Variants in CNTNAP5 observed in about 807,000 individuals in gnomAD.
CNTNAP5 encodes the protein contactin-associated protein-like 5.
A neutral mutation model predicts 150.2 loss-of-function variants in CNTNAP5; 72 were observed. The observed-to-expected ratio is 0.48, with a 90% CI of 0.40 to 0.58. The LOEUF is 0.58. CNTNAP5 is among the 20% of genes least tolerant of loss of function. The pLI is 0.00. For missense variants in CNTNAP5, 1,636 were observed against 1,626.2 expected (o/e 1.01, Z -0.10); for synonymous variants, 672 against 619.8 (o/e 1.08, Z -1.25).
chr2:124,764,266 T>C, intron 16 of CNTNAP5, 119 bp downstream of exon 16: 1 of 746,404 alleles, frequency 1.3e-6, no homozygotes, highest in Non-Finnish European at 2.3e-6. Flanking sequence ...TGGACATCTG[T>C]AAAATTAGCA....
At chr2:124,228,959 C>T (rs1686540567) in intron 2 of CNTNAP5, among the ~76,000 whole-genome samples, 1 of 152,122 alleles carries the variant, frequency 6.6e-6, no homozygotes, top group African/African-American at 2.4e-5. Flanking sequence ...GATGAGCTCC[C>T]CTGCAAGTTT....
intron 8 of CNTNAP5, among the ~76,000 whole-genome samples, chr2:124,522,893 G>T (rs1694880846): frequency 6.6e-6 from 1 of 152,118 alleles, no homozygotes; most frequent in Admixed American, 6.5e-5. Flanking sequence ...ACATTCTTGG[G>T]ATCCTCACAT....
intron 14 of CNTNAP5, among the ~76,000 whole-genome samples, chr2:124,755,575 C>T (rs1680821437): frequency 6.6e-6 from 1 of 152,152 alleles, no homozygotes; most frequent in Non-Finnish European, 1.5e-5. Flanking sequence ...ATGTTCCTTT[C>T]ATTCTCTCTG....
intron 3 of CNTNAP5, among the ~76,000 whole-genome samples, chr2:124,392,421 G>A (rs1691137539): frequency 6.6e-6 from 1 of 152,134 alleles, no homozygotes; most frequent in South Asian, 2.1e-4. Context: ...TCAGTTAAAT[G>A]AAATCTCTAA....
Position 124,242,390 on chromosome 2 carries a change from C to G in CNTNAP5, c.378C>G (p.Ile126Met). 1 of 1,611,946 alleles carries G rather than the reference C, an allele frequency of 6.2e-7. No individual in the cohort carries two copies. The highest frequency in any genetic ancestry group is 8.5e-7 in the Non-Finnish European group (1 of 1,178,868). Reference sequence around the variant, plus strand: ...AACAGTACAAACAAGAAGACAGCATCTGGGTAGGACATCTTTTTCCTTCCA... The same window carrying G: ...AACAGTACAAACAAGAAGACAGCATGTGGGTAGGACATCTTTTTCCTTCCA... ...NWKQYKQEDS[I>M]WTFAGNMNAD... is the part of the protein sequence containing the mutation. The change falls in exon 3 of 24, where the codon ATC becomes ATG. Residue 126 changes from isoleucine to methionine, a missense_variant. Physicochemically the swap from Ile to Met is conservative, Grantham distance 10. Coordinates refer to ENST00000682447, the MANE Select transcript of CNTNAP5 (RefSeq NM_001367498.1).
At chr2:124,344,115 T>C (rs368579418) in intron 3 of CNTNAP5, among the ~76,000 whole-genome samples, 1 of 152,134 alleles carries the variant, frequency 6.6e-6, no homozygotes, top group Non-Finnish European at 1.5e-5. Context: ...CACCTCCCAA[T>C]GCAAACACAT....
At chr2:124,303,522 G>T (rs1389323459) in intron 3 of CNTNAP5, among the ~76,000 whole-genome samples, 2 of 152,142 alleles carry the variant, frequency 1.3e-5, no homozygotes, top group African/African-American at 4.8e-5. Context: ...GTTCAAGTTA[G>T]AATCAAACAG....
intron 1 of CNTNAP5, among the ~76,000 whole-genome samples, chr2:124,049,041 C>T (rs1039750828): frequency 6.6e-6 from 1 of 152,120 alleles, no homozygotes; most frequent in African/African-American, 2.4e-5. Context: ...ATAGTGCTTC[C>T]CCCATTTGCT....
At chr2:124,615,408 A>G (rs1186898371) in intron 12 of CNTNAP5, among the ~76,000 whole-genome samples, 1 of 152,196 alleles carries the variant, frequency 6.6e-6, no homozygotes, top group Non-Finnish European at 1.5e-5. Context: ...CCAAGAGTAG[A>G]TTCCATCTCA....
At chr2:124,800,279 C>A (rs933972699) in intron 19 of CNTNAP5, among the ~76,000 whole-genome samples, 2 of 152,136 alleles carry the variant, frequency 1.3e-5, no homozygotes, top group African/African-American at 4.8e-5. Flanking sequence ...TCCATAGGCA[C>A]AATTGTACCT....
In CNTNAP5 at chr2:124,188,716, C is replaced by CAAAAA. The variant is rs70996047; in HGVS notation, c.83-32971_83-32967dup. Reference sequence around the variant, plus strand: ...CCTGGGTGACAGCGAGACTCTGTCTCAAAAAAAAAAAAAAAAAAAAAAGAC... The same window carrying CAAAAA: ...CCTGGGTGACAGCGAGACTCTGTCTCAAAAAAAAAAAAAAAAAAAAAAAAAAAGAC... On this transcript the variant is annotated intron_variant, in intron 1 of 23. Coordinates refer to ENST00000682447, the MANE Select transcript of CNTNAP5 (RefSeq NM_001367498.1). Among the ~76,000 whole-genome samples the CAAAAA allele has an allele frequency of 7.2e-3, 524 of 72,958 alleles. 42 individuals are homozygous for CAAAAA. The highest frequency in any genetic ancestry group is 0.026 in the African/African-American group (437 of 16,492). The allele number at this position is 72,958 out of a possible 152,430, so 47.9% of individuals were successfully genotyped here.
At chr2:124,656,647 G>A (rs1401533622) in intron 13 of CNTNAP5, among the ~76,000 whole-genome samples, 1 of 151,864 alleles carries the variant, frequency 6.6e-6, no homozygotes, top group African/African-American at 2.4e-5. Flanking sequence ...GTCAACAGAT[G>A]GTATATATCT....
At chr2:124,725,485 C>G (rs1436641423) in intron 13 of CNTNAP5, among the ~76,000 whole-genome samples, 2 of 150,188 alleles carry the variant, frequency 1.3e-5, no homozygotes, top group African/African-American at 2.5e-5. Context: ...CCTCCTTCCC[C>G]CTTCCTTTCC....
At chr2:124,194,852 T>A (rs1573825908) in intron 1 of CNTNAP5, among the ~76,000 whole-genome samples, 1 of 151,884 alleles carries the variant, frequency 6.6e-6, no homozygotes, top group South Asian at 2.1e-4. Context: ...AACGTTTCTT[T>A]TGAATATTGG....
intron 6 of CNTNAP5, 74 bp from the exon 7 acceptor site, chr2:124,474,665 G>T (rs1693598056): frequency 2.3e-6 from 3 of 1,296,902 alleles, no homozygotes; most frequent in Non-Finnish European, 3.1e-6. Flanking sequence ...TACCAAAAAC[G>T]CACGTGTTTA....
chr2:124,314,546 CTT>C (rs925327832), intron 3 of CNTNAP5, among the ~76,000 whole-genome samples: 25 of 152,120 alleles, frequency 1.6e-4, no homozygotes, highest in African/African-American at 6.0e-4. Flanking sequence ...TTATGTCTGA[CTT>C]CTCCCAGTCT....
intron 1 of CNTNAP5, among the ~76,000 whole-genome samples, chr2:124,036,979 T>A (rs1244912130): frequency 6.6e-6 from 1 of 152,182 alleles, no homozygotes; most frequent in Non-Finnish European, 1.5e-5. Flanking sequence ...AGATAATTCG[T>A]CCTAGCAAAG....
chr2:124,305,244 C>T (rs1418296973), intron 3 of CNTNAP5, among the ~76,000 whole-genome samples: 3 of 150,850 alleles, frequency 2.0e-5, no homozygotes, highest in Non-Finnish European at 4.4e-5. Context: ...CACCACTGCA[C>T]TCTAACCTTG....
chr2:124,289,314 G>C (rs990305906), intron 3 of CNTNAP5, among the ~76,000 whole-genome samples: 1 of 152,180 alleles, frequency 6.6e-6, no homozygotes, highest in African/African-American at 2.4e-5. Context: ...AGGTGACTAA[G>C]CTATTGTTAA....
Sources: gnomAD v4.1 joint callset for allele counts (sites outside exome capture counted in the v4.1 genomes callset) on GRCh38, gnomAD v4.1.1 for gene constraint, MANE v1.5 for transcripts, NCBI Gene and HGNC (gene_info 2026-07-23, HGNC 2026-07-21) for gene names.